ELMO1: variants seen among roughly 807,000 people sequenced by gnomAD.
The protein encoded by ELMO1 is engulfment and cell motility protein 1.
A neutral mutation model predicts 98.9 loss-of-function variants in ELMO1; 26 were observed. The observed-to-expected ratio is 0.26, with a 90% CI of 0.19 to 0.36. ELMO1 has a LOEUF of 0.36. ELMO1 is among the 10% of genes least tolerant of loss of function. The pLI is 1.00. For synonymous variants in ELMO1, 346 were observed against 346.0 expected, an observed-to-expected ratio of 1.00 and a Z score of 0.00; for missense variants, 627 against 935.2, an observed-to-expected ratio of 0.67 and a Z score of 4.30.
intron 4 of ELMO1, among the ~76,000 whole-genome samples, chr7:37,301,125 CA>C (rs1454353903): frequency 7.2e-5 from 11 of 151,900 alleles, no homozygotes; most frequent in African/African-American, 2.7e-4. Flanking sequence ...TCCCCTTTAT[CA>C]TTTTTTGTTG....
intron 15 of ELMO1, among the ~76,000 whole-genome samples, chr7:37,044,646 G>C (rs888952284): frequency 6.6e-6 from 1 of 152,146 alleles, no homozygotes; most frequent in African/African-American, 2.4e-5. Context: ...TCAGTCTGCT[G>C]GTCTTTGCTC....
intron 14 of ELMO1, among the ~76,000 whole-genome samples, chr7:37,123,395 C>CT (rs1161483743): frequency 6.6e-6 from 1 of 151,964 alleles, no homozygotes; most frequent in Non-Finnish European, 1.5e-5. Flanking sequence ...ACTAGCAAGA[C>CT]TAATAAAGAA....
intron 2 of ELMO1, among the ~76,000 whole-genome samples, chr7:37,335,605 A>C (rs1335504391): frequency 6.6e-6 from 1 of 152,148 alleles, no homozygotes; most frequent in Non-Finnish European, 1.5e-5. Context: ...CTTTCCCCAA[A>C]TCATACGCAA....
intron 17 of ELMO1, among the ~76,000 whole-genome samples, chr7:36,892,077 A>T (rs1362395991): frequency 6.6e-6 from 1 of 152,186 alleles, no homozygotes; most frequent in African/African-American, 2.4e-5. Context: ...CACTGAATAT[A>T]TATTCCCCCA....
intron 13 of ELMO1, among the ~76,000 whole-genome samples, chr7:37,176,000 C>T (rs1467151882): frequency 6.6e-5 from 10 of 152,166 alleles, no homozygotes; most frequent in Admixed American, 3.9e-4. Flanking sequence ...GCATAGGATT[C>T]AGATTAGACA....
intron 1 of ELMO1, among the ~76,000 whole-genome samples, chr7:37,440,378 G>T (rs1383345370): frequency 6.6e-6 from 1 of 151,330 alleles, no homozygotes; most frequent in African/African-American, 2.4e-5. Flanking sequence ...AGAGGCAGAG[G>T]TTACAGTGAG....
At chr7:36,961,992 C>G (rs1490504609) in intron 16 of ELMO1, among the ~76,000 whole-genome samples, 2 of 152,212 alleles carry the variant, frequency 1.3e-5, no homozygotes, top group Non-Finnish European at 2.9e-5. Flanking sequence ...TTAAATTAGG[C>G]TTCCTAAATG....
At chr7:37,249,088 A>C (rs913059640) in intron 6 of ELMO1, among the ~76,000 whole-genome samples, 1 of 152,186 alleles carries the variant, frequency 6.6e-6, no homozygotes, top group African/African-American at 2.4e-5. Context: ...ATACAAATCC[A>C]TCTCAAGTGT....
chr7:37,196,365 T>C (rs1360789838), intron 13 of ELMO1, among the ~76,000 whole-genome samples: 2 of 152,226 alleles, frequency 1.3e-5, no homozygotes, highest in African/African-American at 4.8e-5. Context: ...CCTGGAAAAC[T>C]GGAAGCACAA....
chr7:37,447,714 C>CCACCCACACACACACACACA (rs1323474343), intron 1 of ELMO1, among the ~76,000 whole-genome samples: 2 of 132,140 alleles, frequency 1.5e-5, no homozygotes, highest in Admixed American at 7.2e-5. Flanking sequence ...CGCGCACACA[C>CCACCCACACACACACACACA]CACACACACA....
chr7:37,172,551 G>T (rs1286149527), intron 13 of ELMO1, among the ~76,000 whole-genome samples: 1 of 152,138 alleles, frequency 6.6e-6, no homozygotes, highest in Non-Finnish European at 1.5e-5. Context: ...GACTTCATCA[G>T]CTGAATGCAG....
chr7:37,065,422 C>T (rs1796905057), intron 15 of ELMO1, among the ~76,000 whole-genome samples: 1 of 152,164 alleles, frequency 6.6e-6, no homozygotes, highest in Non-Finnish European at 1.5e-5. Flanking sequence ...CCAGTGTCCT[C>T]CAGGAAACAA....
At chr7:37,412,765 C>T (rs1804046746) in intron 1 of ELMO1, among the ~76,000 whole-genome samples, 2 of 152,144 alleles carry the variant, frequency 1.3e-5, no homozygotes, top group African/African-American at 2.4e-5. Flanking sequence ...AAAGATGCCA[C>T]ATGATTGTCT....
rs576746602 is a variant in ELMO1, at chr7:36,908,560, T to C, written c.1438-13543A>G. On this transcript the variant is annotated intron_variant, in intron 16 of 21. Transcript: ENST00000310758. ...CATGTTAAGATTTGTTATTTTTTTT[T>C]TTAAGATAGTGTGAAAGAAGGGAAA... 5.3e-5 allele frequency among the ~76,000 whole-genome samples: 8 copies of C among 152,224 alleles called. No homozygotes were observed. In the East Asian group the frequency reaches 1.5e-3, roughly 29 times the overall value.
chr7:37,222,762 C>A (rs2130538878), intron 9 of ELMO1, 69 bp from the exon 10 acceptor site: 7 of 1,437,476 alleles, frequency 4.9e-6, no homozygotes, highest in Non-Finnish European at 6.7e-6. Context: ...TGGGTCAAAC[C>A]ATGAAAAGGC....
intron 16 of ELMO1, among the ~76,000 whole-genome samples, chr7:36,913,067 A>G (rs895495066): frequency 2.0e-5 from 3 of 152,206 alleles, no homozygotes; most frequent in Non-Finnish European, 4.4e-5. Flanking sequence ...TACTGCTCTA[A>G]GTGAACGACT....
chr7:37,049,779 T>TTG (rs1796001010), intron 15 of ELMO1, among the ~76,000 whole-genome samples: 1 of 132,108 alleles, frequency 7.6e-6, no homozygotes, highest in African/African-American at 3.3e-5. Flanking sequence ...TTTTGTTTCT[T>TTG]TTTTTTTTTT....
At chr7:36,874,151 G>C (rs910053054) in intron 19 of ELMO1, among the ~76,000 whole-genome samples, 3 of 152,250 alleles carry the variant, frequency 2.0e-5, no homozygotes, top group African/African-American at 7.2e-5. Flanking sequence ...AGTTTTGAGA[G>C]CCTCAACTTC....
At chr7:37,364,195 G>C (rs1352703807) in intron 1 of ELMO1, among the ~76,000 whole-genome samples, 1 of 152,174 alleles carries the variant, frequency 6.6e-6, no homozygotes, top group East Asian at 1.9e-4. Flanking sequence ...TCCTCAATCA[G>C]TGTTTACCTC....
Sources: allele counts gnomAD v4.1 joint callset (sites outside exome capture counted in the v4.1 genomes callset), GRCh38; gene constraint gnomAD v4.1.1; transcripts MANE v1.5; gene names NCBI Gene and HGNC (gene_info 2026-07-23, HGNC 2026-07-21).